The following IGF2BP2 variants were observed in gnomAD, a reference collection of about 807,000 sequenced individuals.
IGF2BP2 encodes the protein insulin like growth factor 2 mRNA binding protein 2, also known as insulin-like growth factor 2 mRNA-binding protein 2.
In IGF2BP2, 17 loss-of-function variants were observed where a neutral mutation model predicts 75.8. That is an observed-to-expected ratio of 0.22 (90% CI 0.15 to 0.34). The LOEUF is 0.34. Among genes scored for constraint, IGF2BP2 ranks in the 10% least tolerant of loss-of-function variants. The pLI is 1.00. For synonymous variants in IGF2BP2, 288 were observed against 295.6 expected, an observed-to-expected ratio of 0.97 and a Z score of 0.26; for missense variants, 516 against 772.4, an observed-to-expected ratio of 0.67 and a Z score of 3.93.
intron 2 of IGF2BP2, among the ~76,000 whole-genome samples, chr3:185,784,537 A>G (rs1247081016): frequency 6.6e-6 from 1 of 152,238 alleles, no homozygotes; most frequent in African/African-American, 2.4e-5. Flanking sequence ...CCCTCTGAGC[A>G]GCTACAGAGC....
chr3:185,737,927 CA>C (rs748306538), intron 2 of IGF2BP2, among the ~76,000 whole-genome samples: 3 of 152,250 alleles, frequency 2.0e-5, no homozygotes, highest in Non-Finnish European at 4.4e-5. Flanking sequence ...TTCTGAGAAA[CA>C]GAATTACTAG....
intron 2 of IGF2BP2, among the ~76,000 whole-genome samples, chr3:185,733,483 G>A (rs1353767322): frequency 6.6e-6 from 1 of 152,170 alleles, no homozygotes; most frequent in Non-Finnish European, 1.5e-5. Context: ...CAGACTGGGC[G>A]CGGTGGCTCA....
intron 2 of IGF2BP2, among the ~76,000 whole-genome samples, chr3:185,769,183 A>G (rs1294795862): frequency 6.6e-6 from 1 of 151,916 alleles, no homozygotes; most frequent in Non-Finnish European, 1.5e-5. Context: ...ACCTCTATAA[A>G]AATTTTTAAA....
At chr3:185,648,424 C>T (rs1227508808) in intron 14 of IGF2BP2, among the ~76,000 whole-genome samples, 1 of 148,940 alleles carries the variant, frequency 6.7e-6, no homozygotes, top group Non-Finnish European at 1.5e-5. Flanking sequence ...GATGGCACCA[C>T]TGCACTCCAG....
At chr3:185,821,011 C>T (rs1387898259) in intron 2 of IGF2BP2, 1 of 1,535,610 alleles carries the variant, frequency 6.5e-7, no homozygotes, top group South Asian at 1.2e-5. Context: ...TGTCACAGTA[C>T]CCTGGATTTA....
chr3:185,687,771 T>C (rs941182708), intron 6 of IGF2BP2, among the ~76,000 whole-genome samples: 1 of 152,242 alleles, frequency 6.6e-6, no homozygotes, highest in Non-Finnish European at 1.5e-5. Context: ...CTTTGGGTAG[T>C]TGTGGTCCTA....
chr3:185,688,913 T>C (rs1398128081), intron 6 of IGF2BP2, among the ~76,000 whole-genome samples: 2 of 152,216 alleles, frequency 1.3e-5, no homozygotes, highest in East Asian at 3.8e-4. Context: ...CAGTGTGCTT[T>C]ATTTCTTGCT....
intron 2 of IGF2BP2, among the ~76,000 whole-genome samples, chr3:185,750,831 C>T (rs1182050536): frequency 6.6e-6 from 1 of 152,250 alleles, no homozygotes; most frequent in African/African-American, 2.4e-5. Context: ...TGCCAGCCAT[C>T]ATAAATCAGC....
At chr3:185,728,455 A>G (rs1178085817) in intron 2 of IGF2BP2, 2 of 152,168 alleles carry the variant, frequency 1.3e-5, no homozygotes, top group Non-Finnish European at 2.9e-5. Context: ...TTACCACCAT[A>G]AAGGTAAAAT....
intron 7 of IGF2BP2, among the ~76,000 whole-genome samples, chr3:185,677,175 T>C (rs978246156): frequency 8.1e-5 from 12 of 148,522 alleles, no homozygotes; most frequent in Admixed American, 2.7e-4. Context: ...CTACATGGCA[T>C]ACTGAAGAGC....
At chr3:185,789,664 C>CAA (rs533920256) in intron 2 of IGF2BP2, among the ~76,000 whole-genome samples, 275 of 125,802 alleles carry the variant, frequency 2.2e-3, no homozygotes, top group Non-Finnish European at 3.2e-3. Context: ...GTTAAGTAAG[C>CAA]AAAAAAAAAA....
At chr3:185,701,281 T>A (rs1206053992) in intron 2 of IGF2BP2, among the ~76,000 whole-genome samples, 1 of 151,106 alleles carries the variant, frequency 6.6e-6, no homozygotes, top group African/African-American at 2.4e-5. Context: ...CCTACAGGCT[T>A]TAAAAAACGA....
At chr3:185,739,141 T>C (rs1179755130) in intron 2 of IGF2BP2, among the ~76,000 whole-genome samples, 1 of 152,172 alleles carries the variant, frequency 6.6e-6, no homozygotes, top group East Asian at 1.9e-4. Context: ...TTTAGCAGCG[T>C]TCTGAAAAAT....
intron 2 of IGF2BP2, among the ~76,000 whole-genome samples, chr3:185,738,010 C>T (rs1186960410): frequency 6.6e-6 from 1 of 151,516 alleles, no homozygotes; most frequent in Admixed American, 6.6e-5. Flanking sequence ...CCAATTTCTA[C>T]CCTCACTGCC....
At chr3:185,697,259 C>A (rs561921966) in intron 3 of IGF2BP2, among the ~76,000 whole-genome samples, 1 of 152,124 alleles carries the variant, frequency 6.6e-6, no homozygotes, top group Admixed American at 6.6e-5. Flanking sequence ...ATGCCTGTCA[C>A]CATGCCTGGC....
chr3:185,794,992 G>GA (rs1737163999), intron 2 of IGF2BP2, among the ~76,000 whole-genome samples: 1 of 151,890 alleles, frequency 6.6e-6, no homozygotes, highest in Admixed American at 6.6e-5. Context: ...CCACCTCCCG[G>GA]GTTCATGCCA....
At chr3:185,646,296 CCA>C (rs1296544023) in intron 15 of IGF2BP2, among the ~76,000 whole-genome samples, 1 of 152,106 alleles carries the variant, frequency 6.6e-6, no homozygotes, top group East Asian at 1.9e-4. Flanking sequence ...GGCGGGGGAT[CCA>C]CAGTGTGGCA....
intron 10 of IGF2BP2, among the ~76,000 whole-genome samples, chr3:185,665,023 G>A (rs1255876673): frequency 1.3e-5 from 2 of 152,000 alleles, no homozygotes. Flanking sequence ...AAAACAGACA[G>A]GCGTGTTGGT....
chr3:185,795,486 C>G (rs992422602), intron 2 of IGF2BP2, among the ~76,000 whole-genome samples: 2 of 152,176 alleles, frequency 1.3e-5, no homozygotes, highest in African/African-American at 4.8e-5. Context: ...GGGCACACAC[C>G]TGGCAGTGAA....
Sources: gnomAD v4.1 joint callset for allele counts (sites outside exome capture counted in the v4.1 genomes callset) on GRCh38, gnomAD v4.1.1 for gene constraint, MANE v1.5 for transcripts, NCBI Gene and HGNC (gene_info 2026-07-23, HGNC 2026-07-21) for gene names.